The following PROM2 variants were observed in gnomAD, a reference collection of about 807,000 sequenced individuals.
PROM2 encodes prominin 2.
In PROM2, 90 loss-of-function variants were observed where a neutral mutation model predicts 110.2. The observed-to-expected ratio is 0.82, with a 90% CI of 0.69 to 0.97. PROM2 has a LOEUF of 0.97. Among genes scored for constraint, PROM2 ranks in the 50% least tolerant of loss-of-function variants. The pLI, the probability that PROM2 is intolerant of heterozygous loss-of-function variation, is 0.00. For missense variants in PROM2, 1,009 were observed against 1,074.8 expected, an observed-to-expected ratio of 0.94 and a Z score of 0.86; for synonymous variants, 470 against 467.8, an observed-to-expected ratio of 1.00 and a Z score of -0.06.
At chr2:95,286,432 G>T in intron 16 of PROM2, 47 bp from the exon 17 acceptor site, 1 of 1,542,596 alleles carries the variant, frequency 6.5e-7, no homozygotes, top group Non-Finnish European at 9.0e-7. Flanking sequence ...TGGGTGACGG[G>T]TAGATGGGTC....
intron 18 of PROM2, 27 bp downstream of exon 18, chr2:95,286,884 G>A: frequency 6.2e-7 from 1 of 1,611,328 alleles, no homozygotes; most frequent in East Asian, 2.2e-5. Flanking sequence ...GGGACGTATG[G>A]TGGAGCACAG....
Position 95,288,523 on chromosome 2 carries a change from T to C in PROM2, c.2375T>C (p.Leu792Pro). Reference protein sequence around the residue: ...WFCLAWCTFFLIPSIIFAVKT... With the variant: ...WFCLAWCTFFPIPSIIFAVKT... ...TGCCTGGCATGGTGCACCTTCTTCC[T>C]GATCCCCAGCATCATCTTTGCCGTC... Residue 792 changes from leucine (L) to proline (P), a missense_variant, in exon 22 of 24, where the codon CTG (leucine) becomes CCG (proline). Coordinates refer to ENST00000317620, the MANE Select transcript of PROM2 (RefSeq NM_001165978.3). 1 of 1,614,216 alleles carries C rather than the reference T, an allele frequency of 6.2e-7. No homozygotes were observed. The highest frequency in any genetic ancestry group is 8.5e-7 in the Non-Finnish European group (1 of 1,180,018).
At position 95,274,958 on chromosome 2, in the gene PROM2, G is replaced by A. The variant is rs1481339234; in HGVS notation, c.244+129G>A. The A allele has an allele frequency of 7.9e-6, 10 of 1,258,362 alleles. No individual in the cohort carries two copies. In the East Asian group the frequency reaches 1.0e-4, roughly 13 times the overall value. 77.9% of individuals were successfully genotyped at this position (1,258,362 alleles called of 1,614,324 possible). On this transcript the variant is annotated intron_variant, in intron 1 of 23. Coordinates refer to ENST00000317620, the MANE Select transcript of PROM2 (RefSeq NM_001165978.3). ...TTGCCATCTTCCTGGGGTAGAAGGC[G>A]GAGGATCTGGGGAGGGCTCCAGAAC...
intron 19 of PROM2, 22 bp downstream of exon 19, chr2:95,287,235 G>A (rs1677416321): frequency 1.9e-6 from 3 of 1,606,500 alleles, no homozygotes; most frequent in Admixed American, 1.7e-5. Context: ...GTGGGACAGG[G>A]AAGGGGCTTC....
At chr2:95,282,306 G>A (rs531454690) in intron 14 of PROM2, 80 bp downstream of exon 14, 41 of 1,179,406 alleles carry the variant, frequency 3.5e-5, no homozygotes, top group African/African-American at 2.9e-4. Flanking sequence ...TGGAGGCACC[G>A]TCTCTTTGAA....
chr2:95,277,355 GTC>G lies in PROM2; in HGVS notation c.773-4_773-3del. On this transcript the variant is annotated splice_region_variant and splice_polypyrimidine_tract_variant and intron_variant, in intron 6 of 23. Transcript: ENST00000317620. ...TGGACCCTGCTCAGGCTGGGTGTGG[GTC>G]TCTCAGTCCTGCAGGTCTCCGTGCA... The G allele has an allele frequency of 6.2e-7, 1 of 1,603,294 alleles. No individual in the cohort carries two copies.
rs1178625121 is a variant in PROM2 at position 95,276,991 on chromosome 2, G to A, written c.702G>A (p.Gly234=). 3.2e-6 allele frequency: 5 copies of A among 1,548,520 alleles called. No individual in the cohort carries two copies. Among genetic ancestry groups the A allele is most frequent in the Admixed American group, 2.0e-5 (1 of 50,806 alleles). The change falls in exon 6 of 24, where the codon GGG becomes GGA. Residue 234 remains glycine, a synonymous_variant. Transcript: ENST00000317620. The surrounding 1 kb of genome is among the most constrained non-coding windows in gnomAD (Gnocchi z 4.6). ...EELDGVGVSI[G]SAIHTQLRSS... is the part of the protein sequence containing the mutation. ...CTGCAGGTGTTGGTGTGAGCATTGGGAGCGCGATCCACACTCAGCTCAGGA... is the reference window on the plus strand; with the variant it reads ...CTGCAGGTGTTGGTGTGAGCATTGGAAGCGCGATCCACACTCAGCTCAGGA...
chr2:95,281,293 C>A lies in PROM2; in HGVS notation c.1479C>A (p.Phe493Leu). 1 of 1,613,334 alleles carries A rather than the reference C, an allele frequency of 6.2e-7. No individual in the cohort carries two copies. The highest frequency in any genetic ancestry group is 1.1e-5 in the South Asian group (1 of 91,032). ...CTGCACCCCTCATCCTCCTGGTGTT[C>A]GCCACCTTCCTGGTGGGTGGCAACG... The part of the protein sequence containing the change: ...LFAAPLILLV[F>L]ATFLVGGNVQ... The change falls in exon 12 of 24, where the codon TTC (phenylalanine) becomes TTA (leucine). Residue 493 changes from phenylalanine to leucine, a missense_variant. Physicochemically the swap from Phe to Leu is conservative, Grantham distance 22. Transcript: ENST00000317620.
At chr2:95,282,071 T>A in intron 13 of PROM2, 55 bp downstream of exon 13, 2 of 1,604,716 alleles carry the variant, frequency 1.2e-6, no homozygotes, top group Non-Finnish European at 8.5e-7. Flanking sequence ...GGAGGGCCGG[T>A]GTCCCTCAGG....
At position 95,289,828 on chromosome 2, in the gene PROM2, C is replaced by T. The variant is rs549699621; in HGVS notation, c.*615C>T. ...ACGCCACTAATCAGGCAGGGGCCAC[C>T]ATGGCCTAGGTCTGGGCTGGCTGCA... On this transcript the variant is annotated 3_prime_UTR_variant, in exon 24 of 24. Coordinates refer to ENST00000317620, the MANE Select transcript of PROM2 (RefSeq NM_001165978.3). 1.3e-5 allele frequency: 2 copies of T among 152,644 alleles called. No individual in the cohort carries two copies. The highest frequency in any genetic ancestry group is 2.9e-5 in the Non-Finnish European group (2 of 68,242). The allele number at this position is 152,644 out of a possible 1,614,324, so 9.5% of individuals were successfully genotyped here. A position where few individuals can be genotyped will look rare whatever the true frequency, so the allele number is the denominator to read the frequency against.
chr2:95,278,186 A>G (rs1676790961), intron 8 of PROM2, 182 bp downstream of exon 8: 3 of 609,612 alleles, frequency 4.9e-6, no homozygotes, highest in Non-Finnish European at 8.8e-6. Context: ...CTCAGATGGG[A>G]GAGCTGGGCC....
At position 95,275,802 on chromosome 2, in the gene PROM2, G is replaced by T; in HGVS notation, c.295-128G>T. On this transcript the variant is annotated intron_variant, in intron 2 of 23. Coordinates refer to ENST00000317620, the MANE Select transcript of PROM2 (RefSeq NM_001165978.3). This position sits in a 1 kb window ranked among gnomAD's most constrained non-coding sequence, Gnocchi z 4.4. The stretch of plus-strand genomic sequence containing the variant: ...AAGAATGCGGTCACCTCTGGGACGG[G>T]TTCCATGAGATGCAGGCCATGCCCC... 1 of 1,504,650 alleles carries T rather than the reference G, an allele frequency of 6.6e-7. No homozygotes were observed. Among genetic ancestry groups the T allele is most frequent in the South Asian group, 1.3e-5 (1 of 77,322 alleles). The allele number at this position is 1,504,650 out of a possible 1,614,324, so 93.2% of individuals were successfully genotyped here.
chr2:95,275,947 G>A lies in PROM2; in HGVS notation c.312G>A (p.Ala104=), dbSNP rs1234309849. 34 of 1,611,508 alleles carry A rather than the reference G, an allele frequency of 2.1e-5. No individual in the cohort carries two copies. The highest frequency in any genetic ancestry group is 4.5e-5 in the East Asian group (2 of 44,826). Residue 104 remains alanine (A), a synonymous_variant, in exon 3 of 24, where the codon GCG becomes GCA. Coordinates refer to ENST00000317620, the MANE Select transcript of PROM2 (RefSeq NM_001165978.3). This position sits in a 1 kb window ranked among gnomAD's most constrained non-coding sequence, Gnocchi z 4.4. ...CTGCCCAGGTGGTGCGGTACGAGGCGGGCTACGTGGTATGCGCTGTGATCG... is the reference window on the plus strand; with the variant it reads ...CTGCCCAGGTGGTGCGGTACGAGGCAGGCTACGTGGTATGCGCTGTGATCG... The part of the protein sequence containing the change: ...VKVNEVVRYE[A]GYVVCAVIAG...
chr2:95,284,766 C>G (rs565717018), intron 14 of PROM2, among the ~76,000 whole-genome samples: 1 of 152,198 alleles, frequency 6.6e-6, no homozygotes. Context: ...CTAAGCCATA[C>G]GTGAGGGATC....
At chr2:95,282,305 C>G (rs1474730733) in intron 14 of PROM2, 79 bp downstream of exon 14, 6 of 1,184,524 alleles carry the variant, frequency 5.1e-6, no homozygotes, top group East Asian at 2.5e-5. Flanking sequence ...GTGGAGGCAC[C>G]GTCTCTTTGA....
rs1464841090 is a variant in PROM2 at position 95,277,362 on chromosome 2, A to G, written c.773-2A>G. 2 of 1,606,588 alleles carry G rather than the reference A, an allele frequency of 1.2e-6. No individual in the cohort carries two copies. The highest frequency in any genetic ancestry group is 8.5e-7 in the Non-Finnish European group (1 of 1,175,908). ...TGCTCAGGCTGGGTGTGGGTCTCTC[A>G]GTCCTGCAGGTCTCCGTGCACCACC... On this transcript the variant is annotated splice_acceptor_variant, in intron 6 of 23. Coordinates refer to ENST00000317620, the MANE Select transcript of PROM2 (RefSeq NM_001165978.3). LOFTEE classifies it high-confidence loss of function.
rs765124948 is a variant in PROM2 at position 95,276,628 on chromosome 2, C to G, written c.653C>G (p.Pro218Arg). 6.2e-7 allele frequency: 1 copy of G among 1,613,432 alleles called. No homozygotes were observed. Among genetic ancestry groups the G allele is most frequent in the South Asian group, 1.1e-5 (1 of 91,040 alleles). ...LQAVAQQFSL[P>R]QEQVSEELDG... ...GCCGTGGCACAGCAATTCTCCCTGC[C>G]CCAGGAGCAAGTCTCAGAGGAGCTG... Residue 218 changes from proline to arginine, a missense_variant, in exon 5 of 24, where the codon CCC (proline) becomes CGC (arginine). Coordinates refer to ENST00000317620, the MANE Select transcript of PROM2 (RefSeq NM_001165978.3). The surrounding 1 kb of genome is among the most constrained non-coding windows in gnomAD (Gnocchi z 4.6).
intron 14 of PROM2, among the ~76,000 whole-genome samples, chr2:95,282,639 A>C (rs1480894509): frequency 6.6e-6 from 1 of 152,180 alleles, no homozygotes; most frequent in East Asian, 1.9e-4. Context: ...AAGCTCACGC[A>C]GGTGGGAGGT....
At position 95,281,930 on chromosome 2, in the gene PROM2, A is replaced by G; in HGVS notation, c.1557A>G (p.Ala519=). 6.2e-7 allele frequency: 1 copy of G among 1,613,808 alleles called. No homozygotes were observed. Among genetic ancestry groups the G allele is most frequent in the South Asian group, 1.1e-5 (1 of 91,070 alleles). ...SWENGELFEF[A]DTPGNLPPSM... ...TCTCACTGCCCCATCCCCAGTTTGC[A>G]GACACCCCAGGGAACCTGCCCCCGT... Residue 519 remains alanine (A), a synonymous_variant, in exon 13 of 24, where the codon GCA becomes GCG. Coordinates refer to ENST00000317620, the MANE Select transcript of PROM2 (RefSeq NM_001165978.3).
Sources: allele counts gnomAD v4.1 joint callset (sites outside exome capture counted in the v4.1 genomes callset), GRCh38; gene constraint gnomAD v4.1.1; non-coding constraint Gnocchi (gnomAD v3.1); transcripts MANE v1.5; gene names NCBI Gene and HGNC (gene_info 2026-07-23, HGNC 2026-07-21).